Variants in CHST8 observed in about 807,000 individuals in gnomAD.
CHST8 encodes the protein carbohydrate sulfotransferase 8, also known as GALNAC-4-ST1.
A neutral mutation model predicts 15.0 loss-of-function variants in CHST8; 10 were observed. That is an observed-to-expected ratio of 0.67 (90% CI 0.41 to 1.13). CHST8 has a LOEUF of 1.13. CHST8 is among the 50% of genes most tolerant of loss of function. The pLI is 0.00. For synonymous variants in CHST8, 259 were observed against 256.6 expected, an observed-to-expected ratio of 1.01 and a Z score of -0.09; for missense variants, 634 against 608.2, an observed-to-expected ratio of 1.04 and a Z score of -0.45.
intron 3 of CHST8, among the ~76,000 whole-genome samples, chr19:33,734,369 C>A (rs769169124): frequency 6.6e-6 from 1 of 152,194 alleles, no homozygotes; most frequent in Non-Finnish European, 1.5e-5. Context: ...AATAGCCATT[C>A]TTCATTCCTT....
intron 3 of CHST8, among the ~76,000 whole-genome samples, chr19:33,748,915 C>T (rs952971720): frequency 3.9e-5 from 6 of 152,204 alleles, no homozygotes; most frequent in African/African-American, 1.2e-4. Context: ...GCATCAGGAC[C>T]GAAGGCTCAC....
chr19:33,686,343 A>G (rs1416383000), intron 2 of CHST8, among the ~76,000 whole-genome samples: 2 of 152,026 alleles, frequency 1.3e-5, no homozygotes, highest in Non-Finnish European at 2.9e-5. Context: ...GCCAGGCATC[A>G]TGGGGTGGGT....
intron 1 of CHST8, among the ~76,000 whole-genome samples, chr19:33,635,693 C>G (rs1021710229): frequency 7.9e-5 from 12 of 152,146 alleles, no homozygotes; most frequent in African/African-American, 2.7e-4. Context: ...GGCTTAGTTC[C>G]CCGGAGATAC....
chr19:33,635,031 G>A (rs1972175037), intron 1 of CHST8, among the ~76,000 whole-genome samples: 1 of 152,090 alleles, frequency 6.6e-6, no homozygotes, highest in Non-Finnish European at 1.5e-5. Context: ...CTCCTTGGGC[G>A]ACCTCCTCCC....
chr19:33,646,630 TG>T (rs1448153519), intron 1 of CHST8, among the ~76,000 whole-genome samples: 1 of 152,200 alleles, frequency 6.6e-6, no homozygotes, highest in Non-Finnish European at 1.5e-5. Context: ...AGTTGAACTA[TG>T]GGCCAGGCAC....
intron 3 of CHST8, among the ~76,000 whole-genome samples, chr19:33,736,663 TG>T (rs2145333629): frequency 6.6e-6 from 1 of 152,068 alleles, no homozygotes; most frequent in Admixed American, 6.5e-5. Context: ...AGCCAGGAAA[TG>T]TTCTGTTAAG....
intron 1 of CHST8, among the ~76,000 whole-genome samples, chr19:33,661,166 G>T (rs768487672): frequency 1.3e-5 from 2 of 152,148 alleles, no homozygotes; most frequent in African/African-American, 4.8e-5. Context: ...AAATAAATGA[G>T]CTGGGTGTGG....
intron 3 of CHST8, among the ~76,000 whole-genome samples, chr19:33,762,850 G>C (rs1014428870): frequency 6.7e-6 from 1 of 149,678 alleles, no homozygotes; most frequent in South Asian, 2.1e-4. Flanking sequence ...GGGTGTGTGC[G>C]CTCAGTTTTC....
chr19:33,677,853 G>A (rs1439563754), intron 2 of CHST8, among the ~76,000 whole-genome samples: 3 of 152,214 alleles, frequency 2.0e-5, no homozygotes, highest in Admixed American at 6.5e-5. Context: ...GACTGGGCAC[G>A]GGAGGTTGGC....
chr19:33,719,877 G>A (rs284669), intron 3 of CHST8, among the ~76,000 whole-genome samples: 83,486 of 152,012 alleles, frequency 0.55, 23,431 homozygotes, highest in East Asian at 0.87. Flanking sequence ...AAGCCAGCCC[G>A]TCCGTGACCT....
chr19:33,694,023 T>A (rs940616355), intron 3 of CHST8, among the ~76,000 whole-genome samples: 1 of 145,896 alleles, frequency 6.9e-6, no homozygotes, highest in Non-Finnish European at 1.5e-5. Flanking sequence ...GTGGTGTGGA[T>A]TGATTGGTTT....
At chr19:33,705,830 G>A (rs1040306775) in intron 3 of CHST8, among the ~76,000 whole-genome samples, 2 of 152,138 alleles carry the variant, frequency 1.3e-5, no homozygotes, top group African/African-American at 2.4e-5. Context: ...GTGTCACAGC[G>A]ATGTCCCCAG....
In CHST8 at chr19:33,661,109, G is replaced by C. The variant is rs571107712; in HGVS notation, c.-163-6658G>C. On this transcript the variant is annotated intron_variant, in intron 1 of 4. Transcript: ENST00000650847. ...GTTGACATGCCCAGCACTGGGTTGGGTTGAGCCCAGGAGTTCAGAAGACCC... is the reference window on the plus strand; with the variant it reads ...GTTGACATGCCCAGCACTGGGTTGGCTTGAGCCCAGGAGTTCAGAAGACCC... 2.7e-4 allele frequency among the ~76,000 whole-genome samples: 41 copies of C among 152,262 alleles called. No individual in the cohort carries two copies. In the South Asian group the frequency reaches 8.5e-3, roughly 32 times the overall value.
Position 33,772,081 on chromosome 19 carries a change from CGCT to C in CHST8, c.296_298del (p.Leu99del). 6.2e-7 allele frequency: 1 copy of C among 1,612,428 alleles called. No homozygotes were observed. ...CCAGCGCCTGACCAGCCTCAACCCC[CGCT>C]GCAGAGGGGAACCCGTCTGCGGCTC... On this transcript the variant is annotated inframe_deletion, in exon 5 of 5. Coordinates refer to ENST00000650847, the MANE Select transcript of CHST8 (RefSeq NM_001127895.2).
At chr19:33,747,603 G>A (rs1354936837) in intron 3 of CHST8, among the ~76,000 whole-genome samples, 1 of 152,082 alleles carries the variant, frequency 6.6e-6, no homozygotes, top group East Asian at 1.9e-4. Context: ...AGAAAGGAAT[G>A]ATAAACACAG....
intron 1 of CHST8, among the ~76,000 whole-genome samples, chr19:33,663,330 C>T (rs1205731383): frequency 2.0e-5 from 3 of 152,136 alleles, no homozygotes; most frequent in East Asian, 1.9e-4. Context: ...TTTGGTAGGC[C>T]GAGGCAGGAG....
rs1397220803 is a variant in CHST8 at position 33,650,501 on chromosome 19, CTTTTTCTTTTTCTTTTCTTTTTTTT to C, written c.-163-17260_-163-17236del. On this transcript the variant is annotated intron_variant, in intron 1 of 4. Transcript: ENST00000650847. The stretch of plus-strand genomic sequence containing the variant: ...AGTTTCTTTTTTTTCTTTTCTTTTT[CTTTTTCTTTTTCTTTTCTTTTTTTT>C]TTTTTTTTTTTTTTTTTTTTTGAGA... Among the ~76,000 whole-genome samples, 13 of 50,928 alleles carry C rather than the reference CTTTTTCTTTTTCTTTTCTTTTTTTT, an allele frequency of 2.6e-4. No individual in the cohort carries two copies. The East Asian group carries it at 4.4e-3, about 17-fold the overall frequency. 33.4% of individuals were successfully genotyped at this position (50,928 alleles called of 152,430 possible).
At chr19:33,728,522 C>A (rs964766081) in intron 3 of CHST8, among the ~76,000 whole-genome samples, 9 of 152,260 alleles carry the variant, frequency 5.9e-5, no homozygotes, top group African/African-American at 2.2e-4. Context: ...GCACATTCAG[C>A]CAAGCCTCAA....
At chr19:33,743,492 G>A (rs1018834853) in intron 3 of CHST8, among the ~76,000 whole-genome samples, 40 of 151,950 alleles carry the variant, frequency 2.6e-4, no homozygotes, top group African/African-American at 8.9e-4. Context: ...TAGTAGAGAC[G>A]GGATTTCACC....
Sources: allele counts gnomAD v4.1 joint callset (sites outside exome capture counted in the v4.1 genomes callset), GRCh38; gene constraint gnomAD v4.1.1; transcripts MANE v1.5; gene names NCBI Gene and HGNC (gene_info 2026-07-23, HGNC 2026-07-21).